ZFPM2: variants seen among roughly 807,000 people sequenced by gnomAD.
ZFPM2 encodes the protein zinc finger protein ZFPM2.
ZFPM2 carries 20 observed loss-of-function variants against 98.6 expected under a neutral mutation model. The ratio of observed to expected loss-of-function variants is 0.20; its 90% CI spans 0.14 to 0.29. ZFPM2 has a LOEUF of 0.29. Among genes scored for constraint, ZFPM2 ranks in the 10% least tolerant of loss-of-function variants. The probability of loss-of-function intolerance (pLI) is 1.00; values close to 1 mark genes in which losing one functional copy is unlikely to be tolerated. For synonymous variants in ZFPM2, 518 were observed against 502.7 expected, an observed-to-expected ratio of 1.03 and a Z score of -0.41; for missense variants, 1,310 against 1,388.6, an observed-to-expected ratio of 0.94 and a Z score of 0.90.
chr8:105,449,481 A>T lies in ZFPM2; in HGVS notation c.301+5100A>T, dbSNP rs552647375. On this transcript the variant is annotated intron_variant, in intron 3 of 7. Coordinates refer to ENST00000407775, the MANE Select transcript of ZFPM2 (RefSeq NM_012082.4). The stretch of plus-strand genomic sequence containing the variant: ...CATTTCAATAAAAATGAAGTAGAAA[A>T]TCAAACACTATATTGATGATTTGAT... Among the ~76,000 whole-genome samples the T allele has an allele frequency of 2.6e-5, 4 of 152,206 alleles. No homozygotes were observed. In the East Asian group the frequency reaches 7.7e-4, roughly 29 times the overall value.
At chr8:105,387,490 G>A (rs568223136) in intron 1 of ZFPM2, 1 of 153,618 alleles carries the variant, frequency 6.5e-6, no homozygotes, top group South Asian at 2.0e-4. Flanking sequence ...AGGCAGCTAA[G>A]GCCCGGCGAG....
intron 5 of ZFPM2, among the ~76,000 whole-genome samples, chr8:105,715,411 A>G (rs1466296258): frequency 1.3e-5 from 1 of 79,296 alleles, no homozygotes; most frequent in Non-Finnish European, 2.8e-5. Context: ...ATCTCTTGAA[A>G]AAAAAAAAAA....
At chr8:105,687,948 A>G (rs1478461178) in intron 5 of ZFPM2, among the ~76,000 whole-genome samples, 5 of 152,130 alleles carry the variant, frequency 3.3e-5, no homozygotes, top group Admixed American at 1.3e-4. Flanking sequence ...AGGGCAAAAA[A>G]GAAAATAAAG....
chr8:105,508,183 GC>G (rs1261170066), intron 3 of ZFPM2, among the ~76,000 whole-genome samples: 1 of 152,126 alleles, frequency 6.6e-6, no homozygotes, highest in African/African-American at 2.4e-5. Flanking sequence ...ACCGTTTACA[GC>G]AGCAAAATCC....
chr8:105,447,835 G>T (rs143228306), intron 3 of ZFPM2, among the ~76,000 whole-genome samples: 1 of 151,978 alleles, frequency 6.6e-6, no homozygotes, highest in East Asian at 1.9e-4. Flanking sequence ...ATCAACTCCC[G>T]TCTGACGTGT....
At chr8:105,405,980 T>G (rs1341782646) in intron 1 of ZFPM2, among the ~76,000 whole-genome samples, 2 of 152,176 alleles carry the variant, frequency 1.3e-5, no homozygotes, top group African/African-American at 4.8e-5. Flanking sequence ...TTCTGACTGG[T>G]GTGAGATGGT....
At chr8:105,402,941 A>G (rs1277362792) in intron 1 of ZFPM2, among the ~76,000 whole-genome samples, 3 of 152,048 alleles carry the variant, frequency 2.0e-5, no homozygotes, top group Non-Finnish European at 2.9e-5. Context: ...ACTGAATATC[A>G]TGTTCTTTCA....
At chr8:105,588,405 TA>T (rs1349685749) in intron 4 of ZFPM2, among the ~76,000 whole-genome samples, 4 of 152,128 alleles carry the variant, frequency 2.6e-5, no homozygotes, top group African/African-American at 9.7e-5. Flanking sequence ...CTTCTTTTAA[TA>T]TTTTTTTTCC....
At chr8:105,696,492 A>T (rs183956013) in intron 5 of ZFPM2, among the ~76,000 whole-genome samples, 4 of 152,236 alleles carry the variant, frequency 2.6e-5, no homozygotes, top group African/African-American at 4.8e-5. Context: ...CTGAGCACTC[A>T]TGTATAGGCT....
chr8:105,350,702 TTTAC>T (rs1812624430), intron 1 of ZFPM2, among the ~76,000 whole-genome samples: 1 of 152,148 alleles, frequency 6.6e-6, no homozygotes, highest in Non-Finnish European at 1.5e-5. Flanking sequence ...TAGTATACTC[TTTAC>T]TTATTCATTG....
intron 2 of ZFPM2, among the ~76,000 whole-genome samples, chr8:105,427,522 A>G (rs190318348): frequency 2.2e-3 from 331 of 152,246 alleles, no homozygotes; most frequent in Non-Finnish European, 3.8e-3. Flanking sequence ...ATAAATGTAG[A>G]TTTTCTTATT....
At chr8:105,345,086 G>A (rs1812493846) in intron 1 of ZFPM2, among the ~76,000 whole-genome samples, 1 of 152,098 alleles carries the variant, frequency 6.6e-6, no homozygotes, top group Non-Finnish European at 1.5e-5. Flanking sequence ...GATTAGACAA[G>A]TAATGTATAT....
At chr8:105,386,785 G>A (rs191614947) in intron 1 of ZFPM2, among the ~76,000 whole-genome samples, 25 of 152,226 alleles carry the variant, frequency 1.6e-4, no homozygotes, top group Admixed American at 5.9e-4. Context: ...TGATTGGTCC[G>A]TTTTGACAGG....
intron 5 of ZFPM2, among the ~76,000 whole-genome samples, chr8:105,712,803 C>T (rs1440964076): frequency 1.3e-5 from 2 of 151,996 alleles, no homozygotes; most frequent in Admixed American, 1.3e-4. Flanking sequence ...TAAGAACATG[C>T]AATATTTCGT....
Position 105,531,032 on chromosome 8 carries a change from A to G in ZFPM2, c.302-30331A>G, listed in dbSNP as rs952788407. Among the ~76,000 whole-genome samples, 16 of 152,162 alleles carry G rather than the reference A, an allele frequency of 1.1e-4. 1 individual carries two copies. The highest frequency in any genetic ancestry group is 7.9e-4 in the Admixed American group (12 of 15,258). On this transcript the variant is annotated intron_variant, in intron 3 of 7. Transcript: ENST00000407775. Reference sequence around the variant, plus strand: ...CCTTTTTCTAAGAAATAATTGTCTTAAAGAATCCAGCTCTCACAGTGGTAG... The same window carrying G: ...CCTTTTTCTAAGAAATAATTGTCTTGAAGAATCCAGCTCTCACAGTGGTAG...
chr8:105,541,798 CA>C (rs1290498128), intron 3 of ZFPM2, among the ~76,000 whole-genome samples: 1 of 152,048 alleles, frequency 6.6e-6, no homozygotes, highest in Non-Finnish European at 1.5e-5. Context: ...TATTTTATTG[CA>C]GTATTGTAAT....
In ZFPM2 at chr8:105,363,432, T is replaced by A. The variant is rs141254372; in HGVS notation, c.40+44451T>A. Among the ~76,000 whole-genome samples, 1,373 of 152,280 alleles carry A rather than the reference T, an allele frequency of 9.0e-3. 16 individuals carry two copies. Among genetic ancestry groups the A allele is most frequent in the African/African-American group, 0.03 (1,264 of 41,560 alleles). On this transcript the variant is annotated intron_variant, in intron 1 of 7. Coordinates refer to ENST00000407775, the MANE Select transcript of ZFPM2 (RefSeq NM_012082.4). ...ATGTCCTTTGTAAGCTTTAGTTTTT[T>A]AATTTTAATGAGGGAAGGAGTGAAG...
At chr8:105,589,606 C>T (rs1012112722) in intron 4 of ZFPM2, among the ~76,000 whole-genome samples, 1 of 152,188 alleles carries the variant, frequency 6.6e-6, no homozygotes, top group Non-Finnish European at 1.5e-5. Context: ...ATCTCTATTA[C>T]TAGCCTAGTT....
intron 5 of ZFPM2, among the ~76,000 whole-genome samples, chr8:105,658,586 C>CAAAAAAAAA (rs773181953): frequency 1.1e-3 from 9 of 7,896 alleles, no homozygotes; most frequent in African/African-American, 2.8e-3. Context: ...GACTCCGTCT[C>CAAAAAAAAA]AAAAAAAAAA....
Sources: allele counts gnomAD v4.1 joint callset (sites outside exome capture counted in the v4.1 genomes callset), GRCh38; gene constraint gnomAD v4.1.1; transcripts MANE v1.5; gene names NCBI Gene and HGNC (gene_info 2026-07-23, HGNC 2026-07-21).